The following SLC30A5 variants were observed in gnomAD, a reference collection of about 807,000 sequenced individuals.
The protein encoded by SLC30A5 is solute carrier family 30 member 5, also known as proton-coupled zinc antiporter SLC30A5.
SLC30A5 carries 33 observed loss-of-function variants against 79.6 expected under a neutral mutation model. That is an observed-to-expected ratio of 0.41 (90% CI 0.31 to 0.55). The LOEUF (loss-of-function observed/expected upper bound fraction) is 0.55. SLC30A5 is among the 20% of genes least tolerant of loss of function. The pLI, the probability that SLC30A5 is intolerant of heterozygous loss-of-function variation, is 0.20. For synonymous variants in SLC30A5, 299 were observed against 319.7 expected, an observed-to-expected ratio of 0.94 and a Z score of 0.69; for missense variants, 788 against 928.1, an observed-to-expected ratio of 0.85 and a Z score of 1.96.
At chr5:69,105,689 A>G (rs1030581193) in intron 4 of SLC30A5, among the ~76,000 whole-genome samples, 1 of 151,906 alleles carries the variant, frequency 6.6e-6, no homozygotes, top group Non-Finnish European at 1.5e-5. Context: ...AAGCAGAGAG[A>G]TCCCCCACCC....
chr5:69,114,095 C>T (rs1303692915), intron 6 of SLC30A5, among the ~76,000 whole-genome samples: 3 of 152,116 alleles, frequency 2.0e-5, no homozygotes, highest in Admixed American at 6.5e-5. Context: ...GTACCTTTGT[C>T]GTTCTTAAAG....
chr5:69,125,041 T>C (rs1050386480), intron 14 of SLC30A5, among the ~76,000 whole-genome samples: 4 of 152,178 alleles, frequency 2.6e-5, no homozygotes, highest in African/African-American at 9.7e-5. Context: ...GAAAAAACAT[T>C]TGCAGCACAT....
chr5:69,121,948 C>T lies in SLC30A5; in HGVS notation c.1771+53C>T. On this transcript the variant is annotated intron_variant, in intron 13 of 15. Transcript: ENST00000396591. Reference sequence around the variant, plus strand: ...TTTTCAACTGTGTTCTAAATCAACCCTCTGTGTTTATTTGTATTAAGTTTT... The same window carrying T: ...TTTTCAACTGTGTTCTAAATCAACCTTCTGTGTTTATTTGTATTAAGTTTT... 2.1e-6 allele frequency: 3 copies of T among 1,429,162 alleles called. No individual in the cohort carries two copies. In the South Asian group the frequency reaches 3.8e-5, roughly 18 times the overall value. The allele number at this position is 1,429,162 out of a possible 1,614,324, so 88.5% of individuals were successfully genotyped here. A position where few individuals can be genotyped will look rare whatever the true frequency, so the allele number is the denominator to read the frequency against.
chr5:69,096,943 G>C (rs927174408), intron 1 of SLC30A5, among the ~76,000 whole-genome samples: 5 of 151,012 alleles, frequency 3.3e-5, no homozygotes, highest in African/African-American at 1.2e-4. Context: ...CTGGGTGACA[G>C]TGCAAAACCC....
chr5:69,122,338 G>A (rs1746559333), intron 13 of SLC30A5, among the ~76,000 whole-genome samples: 1 of 152,114 alleles, frequency 6.6e-6, no homozygotes, highest in East Asian at 1.9e-4. Flanking sequence ...CACCATGCCT[G>A]GCCGTCACAG....
intron 14 of SLC30A5, among the ~76,000 whole-genome samples, chr5:69,127,394 T>G (rs520068): frequency 1.3e-5 from 2 of 150,602 alleles, no homozygotes; most frequent in Non-Finnish European, 3.0e-5. Context: ...TTCGGGAGGC[T>G]GAGGTGGGTG....
At position 69,128,039 on chromosome 5, in the gene SLC30A5, C is replaced by G. The variant is rs1200377035; in HGVS notation, c.2034C>G (p.Asp678Glu). 3.7e-6 allele frequency: 6 copies of G among 1,611,634 alleles called. No individual in the cohort carries two copies. In the South Asian group the frequency reaches 5.5e-5, roughly 15 times the overall value. The change falls in exon 15 of 16, where the codon GAC becomes GAG. Residue 678 changes from aspartate (D) to glutamate (E), a missense_variant. Around this residue, in one of 3 missense-constraint regions of SLC30A5, gnomAD observed 158 missense variants for 156.2 expected, o/e 1.01. Coordinates refer to ENST00000396591, the MANE Select transcript of SLC30A5 (RefSeq NM_022902.5). The part of the protein sequence containing the change: ...QKIEGLISYR[D>E]PHFWRHSASI... ...TTGAAGGATTAATATCATACCGAGA[C>G]CCTCATTTTTGGCGTCATTCTGCTA... is the stretch of plus-strand genomic sequence containing the variant.
intron 15 of SLC30A5, among the ~76,000 whole-genome samples, chr5:69,128,512 C>T (rs1746765686): frequency 6.6e-6 from 1 of 152,130 alleles, no homozygotes; most frequent in African/African-American, 2.4e-5. Context: ...ATCCGCCTGC[C>T]TCGACCTCCC....
chr5:69,115,864 A>G, intron 8 of SLC30A5, 62 bp from the exon 9 acceptor site: 2 of 1,347,396 alleles, frequency 1.5e-6, no homozygotes, highest in South Asian at 2.8e-5. Context: ...TAACAGAAAC[A>G]TCTTGTAAGA....
intron 2 of SLC30A5, among the ~76,000 whole-genome samples, chr5:69,102,073 T>TTTTTTTG (rs1491246527): frequency 8.2e-6 from 1 of 122,100 alleles, no homozygotes; most frequent in African/African-American, 3.0e-5. Context: ...TTTTTTTTTT[T>TTTTTTTG]GAGACAGTCT....
At chr5:69,119,366 A>G (rs16898559) in intron 12 of SLC30A5, among the ~76,000 whole-genome samples, 4,114 of 151,412 alleles carry the variant, frequency 0.027, 183 homozygotes, top group African/African-American at 0.094. Flanking sequence ...TCTTCTCTCC[A>G]CAAAGTTTGT....
chr5:69,098,140 C>G (rs1041875220), intron 1 of SLC30A5, among the ~76,000 whole-genome samples: 2 of 152,112 alleles, frequency 1.3e-5, no homozygotes, highest in East Asian at 3.9e-4. Flanking sequence ...CCCATCCCCC[C>G]ACACCCCCAA....
chr5:69,108,371 A>C lies in SLC30A5; in HGVS notation c.382A>C (p.Ser128Arg). Residue 128 changes from serine (S) to arginine (R), a missense_variant, in exon 5 of 16, where the codon AGT becomes CGT. Physicochemically the swap from Ser to Arg is moderately radical, Grantham distance 110 (BLOSUM62 -1). This residue lies in a region of SLC30A5 where 626 missense variants were observed against 755.5 expected (regional missense o/e 0.83). Coordinates refer to ENST00000396591, the MANE Select transcript of SLC30A5 (RefSeq NM_022902.5). ...PLRTLLLFEHSDIVVISLLSV... is the reference protein window; with the variant it reads ...PLRTLLLFEHRDIVVISLLSV... ...TAGGACTTTGCTGCTATTTGAGCAC[A>C]GTGATATTGTTGTCATTTCACTACT... 6.2e-7 allele frequency: 1 copy of C among 1,613,604 alleles called. No homozygotes were observed. Among genetic ancestry groups the C allele is most frequent in the Non-Finnish European group, 8.5e-7 (1 of 1,179,638 alleles).
At chr5:69,094,910 A>G (rs975454625) in intron 1 of SLC30A5, among the ~76,000 whole-genome samples, 2 of 152,154 alleles carry the variant, frequency 1.3e-5, no homozygotes, top group African/African-American at 2.4e-5. Flanking sequence ...AGCAATTCAT[A>G]GAGTAAAAAG....
At chr5:69,118,761 C>T in intron 12 of SLC30A5, 133 bp downstream of exon 12, 1 of 511,540 alleles carries the variant, frequency 2.0e-6, no homozygotes, top group Non-Finnish European at 3.1e-6. Context: ...AACTTCCTAT[C>T]TTGCTGTTTA....
Position 69,116,500 on chromosome 5 carries a change from G to A in SLC30A5, c.1179G>A (p.Gln393=), listed in dbSNP as rs760645046. The change falls in exon 10 of 16, where the codon CAG becomes CAA. Residue 393 remains glutamine, a synonymous_variant. Transcript: ENST00000396591. The surrounding 1 kb of genome is among the most constrained non-coding windows in gnomAD (Gnocchi z 4.0). The part of the protein sequence containing the change: ...PLYNFMGDAF[Q]HSSQSIPRFI... ...ATAACTTCATGGGTGATGCTTTTCA[G>A]CATAGCTCTCAATCGATCCCTAGGT... is the stretch of plus-strand genomic sequence containing the variant. The A allele has an allele frequency of 6.2e-7, 1 of 1,612,758 alleles. No individual in the cohort carries two copies. Among genetic ancestry groups the A allele is most frequent in the African/African-American group, 1.3e-5 (1 of 74,892 alleles).
intron 15 of SLC30A5, 70 bp downstream of exon 15, chr5:69,128,202 A>G: frequency 8.9e-7 from 1 of 1,122,768 alleles, no homozygotes; most frequent in Non-Finnish European, 1.3e-6. Flanking sequence ...CTCATAAGTT[A>G]TATGGCTCAG....
At chr5:69,114,789 C>T (rs1204273503) in intron 7 of SLC30A5, among the ~76,000 whole-genome samples, 5 of 152,068 alleles carry the variant, frequency 3.3e-5, no homozygotes, top group African/African-American at 7.2e-5. Flanking sequence ...CACTTGAACC[C>T]GGGAGGCCGA....
intron 3 of SLC30A5, chr5:69,104,240 C>T (rs1301653062): frequency 2.6e-5 from 16 of 617,476 alleles, no homozygotes; most frequent in South Asian, 5.0e-5. Flanking sequence ...CGGGTTCAAG[C>T]GATTCTCCTG....
Sources: gnomAD v4.1 joint callset for allele counts (sites outside exome capture counted in the v4.1 genomes callset) on GRCh38, gnomAD v4.1.1 for gene constraint, gnomAD v4.1.1 regional missense constraint, Gnocchi (gnomAD v3.1) non-coding constraint, MANE v1.5 for transcripts, NCBI Gene and HGNC (gene_info 2026-07-23, HGNC 2026-07-21) for gene names.